The following RBM20 variants were observed in gnomAD, a reference collection of about 807,000 sequenced individuals.
RBM20 encodes RNA binding motif protein 20, also known as RNA-binding protein 20.
Under a neutral mutation model 110.1 loss-of-function variants are expected in RBM20, and 51 were observed. That is an observed-to-expected ratio of 0.46 (90% CI 0.37 to 0.59). RBM20 has a LOEUF of 0.59. Among genes scored for constraint, RBM20 ranks in the 20% least tolerant of loss-of-function variants. The probability of loss-of-function intolerance (pLI) is 0.00; values close to 1 mark genes in which losing one functional copy is unlikely to be tolerated. For synonymous variants in RBM20, 589 were observed against 618.2 expected, an observed-to-expected ratio of 0.95 and a Z score of 0.70; for missense variants, 1,512 against 1,574.9, an observed-to-expected ratio of 0.96 and a Z score of 0.68.
upstream of RBM20, among the ~76,000 whole-genome samples, chr10:110,644,094 G>C (rs974895441): frequency 6.6e-6 from 1 of 152,174 alleles, no homozygotes; most frequent in Non-Finnish European, 1.5e-5. The surrounding 1 kb of genome is among the most constrained non-coding windows in gnomAD (Gnocchi z 4.3). Context: ...CGGACCCTGA[G>C]GGTGCACTGT....
chr10:110,792,984 G>T (rs1415191990), intron 5 of RBM20, among the ~76,000 whole-genome samples: 1 of 152,186 alleles, frequency 6.6e-6, no homozygotes, highest in African/African-American at 2.4e-5. Flanking sequence ...GTTGGAGAAA[G>T]CTATCATTAT....
chr10:110,655,582 G>T (rs1452360679), intron 1 of RBM20, among the ~76,000 whole-genome samples: 2 of 152,184 alleles, frequency 1.3e-5, no homozygotes, highest in African/African-American at 4.8e-5. Flanking sequence ...TGATTAAAGT[G>T]TCCAAGGCTC....
chr10:110,650,977 T>A (rs1861937565), intron 1 of RBM20, among the ~76,000 whole-genome samples: 1 of 152,220 alleles, frequency 6.6e-6, no homozygotes, highest in Admixed American at 6.5e-5. Context: ...TGCTCTAAGT[T>A]AATTACTGGG....
chr10:110,666,958 C>T (rs149451129), intron 1 of RBM20, among the ~76,000 whole-genome samples: 6 of 152,252 alleles, frequency 3.9e-5, no homozygotes, highest in East Asian at 1.9e-4. Flanking sequence ...GGAAATAGAC[C>T]GCATTCCTCC....
rs531233180 is a variant in RBM20 at position 110,800,396 on chromosome 10, T to C, written c.1800+478T>C. On this transcript the variant is annotated intron_variant, in intron 7 of 13. Coordinates refer to ENST00000369519, the MANE Select transcript of RBM20 (RefSeq NM_001134363.3). Reference sequence around the variant, plus strand: ...TGGCTGAATTGGCCACTGTCAGAACTCAGGGATGCATTCAAATAGTTCCAA... The same window carrying C: ...TGGCTGAATTGGCCACTGTCAGAACCCAGGGATGCATTCAAATAGTTCCAA... Among the ~76,000 whole-genome samples, 3 of 152,368 alleles carry C rather than the reference T, an allele frequency of 2.0e-5. No homozygotes were observed. The East Asian group carries it at 5.8e-4, about 29-fold the overall frequency.
At chr10:110,687,610 A>T (rs1023362289) in intron 1 of RBM20, among the ~76,000 whole-genome samples, 3 of 152,256 alleles carry the variant, frequency 2.0e-5, no homozygotes, top group Non-Finnish European at 4.4e-5. Flanking sequence ...AATGTTTGAA[A>T]CAGAAATCTC....
At chr10:110,828,903 G>C (rs182577564) in intron 12 of RBM20, among the ~76,000 whole-genome samples, 1 of 152,328 alleles carries the variant, frequency 6.6e-6, no homozygotes, top group East Asian at 1.9e-4. Flanking sequence ...AGAACTGACA[G>C]AAGATAGCTC....
intron 1 of RBM20, among the ~76,000 whole-genome samples, chr10:110,698,332 TG>T (rs1862700947): frequency 1.3e-5 from 2 of 151,844 alleles, no homozygotes; most frequent in African/African-American, 4.8e-5. Context: ...ACACAGGAGG[TG>T]GGCTGGGAAG....
chr10:110,771,441 A>T (rs1006977325), intron 1 of RBM20, among the ~76,000 whole-genome samples: 2 of 152,188 alleles, frequency 1.3e-5, no homozygotes, highest in Middle Eastern at 3.4e-3. Context: ...ATTGAATAGA[A>T]GTGTTTATTG....
At chr10:110,783,480 TG>T in intron 3 of RBM20, 53 bp downstream of exon 3, 2 of 1,365,712 alleles carry the variant, frequency 1.5e-6, no homozygotes, top group Non-Finnish European at 2.0e-6. Flanking sequence ...ACATATTCAC[TG>T]AGCATTTACT....
At chr10:110,782,182 T>G (rs1366259125) in intron 2 of RBM20, among the ~76,000 whole-genome samples, 1 of 152,206 alleles carries the variant, frequency 6.6e-6, no homozygotes, top group Non-Finnish European at 1.5e-5. Context: ...GAGAAGGGGC[T>G]CAGGAGTTTC....
Position 110,806,292 on chromosome 10 carries a change from A to G in RBM20, c.1801-4091A>G, listed in dbSNP as rs188994068. Among the ~76,000 whole-genome samples, 975 of 151,708 alleles carry G rather than the reference A, an allele frequency of 6.4e-3. 8 individuals are homozygous for G. The highest frequency in any genetic ancestry group is 0.01 in the Admixed American group (156 of 15,244). On this transcript the variant is annotated intron_variant, in intron 7 of 13. Coordinates refer to ENST00000369519, the MANE Select transcript of RBM20 (RefSeq NM_001134363.3). ...CAAAAAAAAAAAAAAGAACTACCTGAAACTGGGTAATTTATAAAGAAAAGA... is the reference window on the plus strand; with the variant it reads ...CAAAAAAAAAAAAAAGAACTACCTGGAACTGGGTAATTTATAAAGAAAAGA...
chr10:110,828,399 C>G (rs1012739617), intron 12 of RBM20, among the ~76,000 whole-genome samples: 1 of 152,194 alleles, frequency 6.6e-6, no homozygotes, highest in Non-Finnish European at 1.5e-5. Context: ...TTCTCCTCCC[C>G]CAGGCTTCTC....
chr10:110,707,026 A>C (rs1250372287), intron 1 of RBM20, among the ~76,000 whole-genome samples: 1 of 152,198 alleles, frequency 6.6e-6, no homozygotes, highest in African/African-American at 2.4e-5. Flanking sequence ...TTTACATAGC[A>C]ATTGTGTGCT....
At chr10:110,828,941 C>T (rs1203214110) in intron 12 of RBM20, among the ~76,000 whole-genome samples, 1 of 152,146 alleles carries the variant, frequency 6.6e-6, no homozygotes, top group East Asian at 1.9e-4. Context: ...GCTTTGGCTA[C>T]CAGCTCAATC....
chr10:110,794,452 A>G (rs1844525217), intron 5 of RBM20, among the ~76,000 whole-genome samples: 1 of 152,222 alleles, frequency 6.6e-6, no homozygotes, highest in Non-Finnish European at 1.5e-5. Flanking sequence ...GATTCTCAAG[A>G]TTTTCATTTC....
intron 1 of RBM20, among the ~76,000 whole-genome samples, chr10:110,732,872 A>G (rs1843633430): frequency 6.6e-6 from 1 of 152,116 alleles, no homozygotes; most frequent in Non-Finnish European, 1.5e-5. Context: ...GACCCCAGGA[A>G]ACCCTAGGAA....
At chr10:110,740,406 C>A (rs560744776) in intron 1 of RBM20, among the ~76,000 whole-genome samples, 1 of 151,998 alleles carries the variant, frequency 6.6e-6, no homozygotes, top group African/African-American at 2.4e-5. Context: ...TGGGGTAGTA[C>A]CAGCTTGGTC....
intron 1 of RBM20, among the ~76,000 whole-genome samples, chr10:110,735,177 T>C (rs1843658194): frequency 1.3e-5 from 2 of 152,204 alleles, no homozygotes; most frequent in African/African-American, 4.8e-5. Flanking sequence ...CATAAAGTGC[T>C]TCCTTTAAGT....
Sources: allele counts gnomAD v4.1 joint callset (sites outside exome capture counted in the v4.1 genomes callset), GRCh38; gene constraint gnomAD v4.1.1; non-coding constraint Gnocchi (gnomAD v3.1); transcripts MANE v1.5; gene names NCBI Gene and HGNC (gene_info 2026-07-23, HGNC 2026-07-21).